The following DOK6 variants were observed in gnomAD, a reference collection of about 807,000 sequenced individuals.
The protein encoded by DOK6 is docking protein 6, also known as downstream of tyrosine kinase 6.
A neutral mutation model predicts 44.0 loss-of-function variants in DOK6; 22 were observed. The ratio of observed to expected loss-of-function variants is 0.50; its 90% CI spans 0.36 to 0.71. The LOEUF is 0.71. Among genes scored for constraint, DOK6 ranks in the 30% least tolerant of loss-of-function variants. The pLI is 0.00. For synonymous variants in DOK6, 166 were observed against 145.5 expected (o/e 1.14, Z -1.01); for missense variants, 340 against 416.4 (o/e 0.82, Z 1.60).
At chr18:69,677,984 C>G in intron 4 of DOK6, 131 bp downstream of exon 4, 1 of 1,365,574 alleles carries the variant, frequency 7.3e-7, no homozygotes. Context: ...TGCAGTGGCG[C>G]AAACCTGTAA....
intron 6 of DOK6, among the ~76,000 whole-genome samples, chr18:69,740,763 T>C (rs1978773379): frequency 6.6e-6 from 1 of 152,238 alleles, no homozygotes; most frequent in Non-Finnish European, 1.5e-5. Flanking sequence ...CATAAAGTGC[T>C]GAGAATCAGA....
intron 1 of DOK6, among the ~76,000 whole-genome samples, chr18:69,461,174 C>A (rs1233067899): frequency 6.6e-6 from 1 of 152,158 alleles, no homozygotes; most frequent in Non-Finnish European, 1.5e-5. Context: ...TTCAGAAACA[C>A]ACACACACAT....
chr18:69,544,362 G>A lies in DOK6; in HGVS notation c.67-20125G>A, dbSNP rs1982346507. Among the ~76,000 whole-genome samples the A allele has an allele frequency of 2.0e-5, 3 of 151,592 alleles. No individual in the cohort carries two copies. In the South Asian group the frequency reaches 6.3e-4, roughly 32 times the overall value. On this transcript the variant is annotated intron_variant, in intron 1 of 7. Transcript: ENST00000382713. ...TGATGCTTTCATACATTTTTCAAGG[G>A]AGAAACTGTACACAAGGAATAAAAG...
intron 7 of DOK6, among the ~76,000 whole-genome samples, chr18:69,835,676 C>G (rs1472338774): frequency 6.6e-6 from 1 of 152,212 alleles, no homozygotes; most frequent in African/African-American, 2.4e-5. Flanking sequence ...ATGACAGCGT[C>G]TCCTCTGTGT....
At chr18:69,539,615 A>G (rs1303864517) in intron 1 of DOK6, among the ~76,000 whole-genome samples, 2 of 152,096 alleles carry the variant, frequency 1.3e-5, no homozygotes, top group African/African-American at 4.8e-5. Context: ...CAGCATATAG[A>G]AAGCTTTCTT....
intron 4 of DOK6, among the ~76,000 whole-genome samples, chr18:69,697,974 A>G (rs1986425359): frequency 6.6e-6 from 1 of 151,142 alleles, no homozygotes; most frequent in Non-Finnish European, 1.5e-5. Flanking sequence ...TCACATCAAC[A>G]AAGGTAAAAA....
intron 5 of DOK6, among the ~76,000 whole-genome samples, chr18:69,722,702 T>C (rs1050094082): frequency 3.9e-5 from 6 of 152,244 alleles, no homozygotes; most frequent in African/African-American, 1.4e-4. Context: ...ATTTTCTTTG[T>C]CATGTGTTTG....
chr18:69,685,349 C>A (rs192187832), intron 4 of DOK6, among the ~76,000 whole-genome samples: 1 of 152,264 alleles, frequency 6.6e-6, no homozygotes, highest in African/African-American at 2.4e-5. Context: ...TTTTTACATG[C>A]TATGGGGCCT....
intron 3 of DOK6, among the ~76,000 whole-genome samples, chr18:69,650,067 T>C (rs1199913713): frequency 6.6e-6 from 1 of 152,084 alleles, no homozygotes; most frequent in Non-Finnish European, 1.5e-5. Flanking sequence ...GGCAAGACTT[T>C]TCTTGCCTTG....
rs1983115985 is a variant in DOK6 at position 69,571,608 on chromosome 18, C to A, written c.174+7014C>A. ...TGTATTAAATCAGAGAAATAGACTT[C>A]CGGACAAAGAGTATTACCAAAGATA... On this transcript the variant is annotated intron_variant, in intron 2 of 7. Coordinates refer to ENST00000382713, the MANE Select transcript of DOK6 (RefSeq NM_152721.6). Among the ~76,000 whole-genome samples, 4 of 151,804 alleles carry A rather than the reference C, an allele frequency of 2.6e-5. No homozygotes were observed. The South Asian group carries it at 8.3e-4, about 31-fold the overall frequency.
intron 2 of DOK6, among the ~76,000 whole-genome samples, chr18:69,594,131 A>G (rs1159072313): frequency 1.3e-5 from 2 of 151,950 alleles, no homozygotes; most frequent in Admixed American, 1.3e-4. Context: ...AAAAAACTTC[A>G]TATTTCTCTC....
chr18:69,839,964 A>G (rs767532831), intron 7 of DOK6, among the ~76,000 whole-genome samples: 3 of 152,130 alleles, frequency 2.0e-5, no homozygotes, highest in Non-Finnish European at 4.4e-5. Context: ...TTCTCTCAGT[A>G]TTTTGACATT....
chr18:69,497,828 T>C (rs145862798), intron 1 of DOK6, among the ~76,000 whole-genome samples: 394 of 152,170 alleles, frequency 2.6e-3, no homozygotes, highest in African/African-American at 8.8e-3. Context: ...TTCTATGCCT[T>C]AAAAAAAGAA....
At chr18:69,583,981 G>T (rs1413413559) in intron 2 of DOK6, among the ~76,000 whole-genome samples, 1 of 151,318 alleles carries the variant, frequency 6.6e-6, no homozygotes, top group African/African-American at 2.4e-5. Flanking sequence ...GGTGGCGGGC[G>T]CCTGTAGTCC....
At chr18:69,597,584 C>T (rs1460488389) in intron 2 of DOK6, among the ~76,000 whole-genome samples, 1 of 152,168 alleles carries the variant, frequency 6.6e-6, no homozygotes. Flanking sequence ...CTTGGGGAGC[C>T]ATTTTTAAAA....
At chr18:69,559,421 C>G (rs1432099636) in intron 1 of DOK6, among the ~76,000 whole-genome samples, 4 of 152,068 alleles carry the variant, frequency 2.6e-5, no homozygotes, top group Non-Finnish European at 5.9e-5. Flanking sequence ...GGATTTGAGT[C>G]TCAATTTTAC....
intron 1 of DOK6, among the ~76,000 whole-genome samples, chr18:69,472,483 ATTG>A (rs1303807173): frequency 6.6e-6 from 1 of 152,162 alleles, no homozygotes; most frequent in African/African-American, 2.4e-5. Flanking sequence ...GTGCCTTGGA[ATTG>A]TTGTCTGTTC....
chr18:69,716,607 C>G (rs1262571103), intron 5 of DOK6, among the ~76,000 whole-genome samples: 1 of 150,352 alleles, frequency 6.7e-6, no homozygotes, highest in Non-Finnish European at 1.5e-5. Context: ...GTTTCAGAAC[C>G]CTTATTGCCA....
intron 1 of DOK6, among the ~76,000 whole-genome samples, chr18:69,502,266 C>A (rs1035986775): frequency 6.6e-6 from 1 of 151,802 alleles, no homozygotes; most frequent in Admixed American, 6.6e-5. Flanking sequence ...AAAAATTTAG[C>A]GGAATATATT....
Sources: gnomAD v4.1 joint callset for allele counts (sites outside exome capture counted in the v4.1 genomes callset) on GRCh38, gnomAD v4.1.1 for gene constraint, MANE v1.5 for transcripts, NCBI Gene and HGNC (gene_info 2026-07-23, HGNC 2026-07-21) for gene names.